ZNF626: variants seen among roughly 807,000 people sequenced by gnomAD.
The protein encoded by ZNF626 is CTC-513N18.7.
ZNF626 carries 4 observed loss-of-function variants against 11.7 expected under a neutral mutation model. The observed-to-expected ratio is 0.34, with a 90% CI of 0.17 to 0.78. The LOEUF is 0.78. ZNF626 is among the 30% of genes least tolerant of loss of function. The pLI, the probability that ZNF626 is intolerant of heterozygous loss-of-function variation, is 0.57. For missense variants in ZNF626, 588 were observed against 587.1 expected (o/e 1.00, Z -0.01); for synonymous variants, 179 against 198.6 (o/e 0.90, Z 0.83).
At chr19:20,630,747 T>G (rs1324615351) in intron 3 of ZNF626, among the ~76,000 whole-genome samples, 39 of 48,626 alleles carry the variant, frequency 8.0e-4, no homozygotes, top group African/African-American at 6.6e-3. Context: ...GATTCATTGA[T>G]TTTTTTGAAG....
At position 20,627,204 on chromosome 19, in the gene ZNF626, G is replaced by A. The variant is rs141973331; in HGVS notation, c.227-1554C>T. ...GGAAAAATGATGTAAACATGAAAAA[G>A]CTGAAGAAACAAACTAGGATACACA... On this transcript the variant is annotated intron_variant, in intron 3 of 3. Transcript: ENST00000601440. Among the ~76,000 whole-genome samples, 167 of 152,088 alleles carry A rather than the reference G, an allele frequency of 1.1e-3. 1 individual carries two copies. In the East Asian group the frequency reaches 0.03, roughly 28 times the overall value.
intron 3 of ZNF626, among the ~76,000 whole-genome samples, chr19:20,636,552 G>C (rs1428268390): frequency 1.3e-5 from 2 of 150,846 alleles, no homozygotes; most frequent in Non-Finnish European, 3.0e-5. Flanking sequence ...GAGGTTACTT[G>C]AAGATTTAAA....
intron 1 of ZNF626, among the ~76,000 whole-genome samples, chr19:20,650,353 A>T (rs947367216): frequency 2.6e-5 from 4 of 152,226 alleles, no homozygotes; most frequent in Non-Finnish European, 4.4e-5. Flanking sequence ...GTTTATATTT[A>T]CATTTTTGTG....
At chr19:20,638,425 C>CTAAATAAATAAATAAATAAATAAA (rs60283787) in intron 3 of ZNF626, among the ~76,000 whole-genome samples, 12 of 141,102 alleles carry the variant, frequency 8.5e-5, no homozygotes, top group South Asian at 2.3e-4. Context: ...AACTGCATGT[C>CTAAATAAATAAATAAATAAATAAA]TAAATAAATA....
chr19:20,626,376 T>C (rs1969832674), intron 3 of ZNF626, among the ~76,000 whole-genome samples: 1 of 152,186 alleles, frequency 6.6e-6, no homozygotes, highest in Non-Finnish European at 1.5e-5. Context: ...AGTTATAAAA[T>C]TTTTAAAGCA....
At position 20,624,303 on chromosome 19, in the gene ZNF626, A is replaced by G; in HGVS notation, c.1574T>C (p.Leu525Pro). Residue 525 changes from leucine (L) to proline (P), a missense_variant, in exon 4 of 4, where the codon CTA becomes CCA. Leu to Pro is a moderately conservative substitution (Grantham distance 98). Coordinates refer to ENST00000601440, the MANE Select transcript of ZNF626 (RefSeq NM_001076675.3). ...AKPSSGPHTLLHIR is the reference protein window; with the variant it reads ...AKPSSGPHTLPHIR ...CTCCAGTATGAATTATCTTATGTGT[A>G]GTAAGGTGTGAGGACCGCTTGAAGG... is the stretch of plus-strand genomic sequence containing the variant. The G allele has an allele frequency of 6.2e-7, 1 of 1,613,934 alleles. No homozygotes were observed. Among genetic ancestry groups the G allele is most frequent in the Non-Finnish European group, 8.5e-7 (1 of 1,179,972 alleles).
intron 1 of ZNF626, among the ~76,000 whole-genome samples, chr19:20,656,683 TAAA>T (rs143396017): frequency 7.0e-6 from 1 of 143,754 alleles, no homozygotes; most frequent in African/African-American, 2.5e-5. Flanking sequence ...CAAGCATTAT[TAAA>T]AAAAAAAAAA....
At chr19:20,651,250 C>T (rs1420273927) in intron 1 of ZNF626, among the ~76,000 whole-genome samples, 1 of 150,576 alleles carries the variant, frequency 6.6e-6, no homozygotes, top group Non-Finnish European at 1.5e-5. Context: ...CTTTCAAGTA[C>T]AGACATCAGA....
rs1555769115 is a variant in ZNF626, at chr19:20,624,205, A to T, written c.*85T>A. 2 of 1,606,264 alleles carry T rather than the reference A, an allele frequency of 1.2e-6. No individual in the cohort carries two copies. The highest frequency in any genetic ancestry group is 1.7e-6 in the Non-Finnish European group (2 of 1,174,570). Reference sequence around the variant, plus strand: ...TCTGTAGGGTTTTTTTCCAGTATGAATTTTCTTATGTGTAGTAAGGTTAGA... The same window carrying T: ...TCTGTAGGGTTTTTTTCCAGTATGATTTTTCTTATGTGTAGTAAGGTTAGA... On this transcript the variant is annotated 3_prime_UTR_variant, in exon 4 of 4. Transcript: ENST00000601440.
At chr19:20,660,976 C>T (rs1351408913) in intron 1 of ZNF626, among the ~76,000 whole-genome samples, 1 of 152,218 alleles carries the variant, frequency 6.6e-6, no homozygotes. Context: ...CTCTTTACCT[C>T]AAGTGATCCG....
chr19:20,655,793 G>A (rs1555773053), intron 1 of ZNF626, among the ~76,000 whole-genome samples: 1 of 151,976 alleles, frequency 6.6e-6, no homozygotes, highest in African/African-American at 2.4e-5. Flanking sequence ...AAATTAGCTG[G>A]GCATGGTGGC....
chr19:20,626,950 G>T (rs1005381523), intron 3 of ZNF626, among the ~76,000 whole-genome samples: 12 of 152,098 alleles, frequency 7.9e-5, no homozygotes, highest in African/African-American at 2.9e-4. Context: ...GGGAGGCAGA[G>T]GTAGCTATGA....
At chr19:20,645,537 A>G in intron 3 of ZNF626, 147 bp downstream of exon 3, 2 of 1,549,548 alleles carry the variant, frequency 1.3e-6, no homozygotes, top group Non-Finnish European at 1.7e-6. Context: ...AAAAAACCAA[A>G]CAAACAAACA....
chr19:20,637,658 A>G (rs1969981088), intron 3 of ZNF626, among the ~76,000 whole-genome samples: 2 of 152,058 alleles, frequency 1.3e-5, no homozygotes, highest in South Asian at 4.1e-4. Flanking sequence ...AGCTTTCAAG[A>G]TGATTACAAA....
At chr19:20,637,788 C>T (rs1384389559) in intron 3 of ZNF626, among the ~76,000 whole-genome samples, 2 of 151,874 alleles carry the variant, frequency 1.3e-5, no homozygotes, top group African/African-American at 2.4e-5. Flanking sequence ...TAGAAACACA[C>T]AAAACAATAA....
rs1371716550 is a variant in ZNF626, at chr19:20,621,598, C to T, written c.*2692G>A. 1 of 152,144 alleles carries T rather than the reference C, an allele frequency of 6.6e-6. No individual in the cohort carries two copies. The highest frequency in any genetic ancestry group is 2.4e-5 in the African/African-American group (1 of 41,434). The allele number at this position is 152,144 out of a possible 1,614,324, so 9.4% of individuals were successfully genotyped here. Reference sequence around the variant, plus strand: ...CTTATTTACCCTAATGTAATTACTACATATTGTATGCCTGAATCAAAATAT... The same window carrying T: ...CTTATTTACCCTAATGTAATTACTATATATTGTATGCCTGAATCAAAATAT... On this transcript the variant is annotated 3_prime_UTR_variant, in exon 4 of 4. Coordinates refer to ENST00000601440, the MANE Select transcript of ZNF626 (RefSeq NM_001076675.3).
In ZNF626 at chr19:20,621,635, C is replaced by T. The variant is rs777521284; in HGVS notation, c.*2655G>A. 1 of 151,944 alleles carries T rather than the reference C, an allele frequency of 6.6e-6. No individual in the cohort carries two copies. The highest frequency in any genetic ancestry group is 1.5e-5 in the Non-Finnish European group (1 of 67,992). The allele number at this position is 151,944 out of a possible 1,614,324, so 9.4% of individuals were successfully genotyped here. A position where few individuals can be genotyped will look rare whatever the true frequency, so the allele number is the denominator to read the frequency against. The stretch of plus-strand genomic sequence containing the variant: ...CTGAATCAAAATATTCTCTATAAGA[C>T]ATATATACACATACTATATACTCAC... On this transcript the variant is annotated 3_prime_UTR_variant, in exon 4 of 4. Transcript: ENST00000601440.
At position 20,625,330 on chromosome 19, in the gene ZNF626, TA is replaced by T; in HGVS notation, c.546del (p.Phe182LeufsTer96). ...TGTGTAGTAAGAGTTGAGAACTGCT[TA>T]AAAGCTTTGCCACATTCTATATATT... Reference protein sequence around the residue: ...PFKYIECGKAFKQFSTLTTHK... With the variant: ...PFKYIECGKAXKQFSTLTTHK... On this transcript the variant is annotated frameshift_variant, in exon 4 of 4. Transcript: ENST00000601440. LOFTEE classifies it low-confidence loss of function (END_TRUNC). 6.2e-7 allele frequency: 1 copy of T among 1,613,680 alleles called. No homozygotes were observed. Among genetic ancestry groups the T allele is most frequent in the Non-Finnish European group, 8.5e-7 (1 of 1,179,692 alleles).
chr19:20,620,315 A>T lies in ZNF626; in HGVS notation c.*3975T>A, dbSNP rs1969742705. 6.6e-6 allele frequency: 1 copy of T among 152,152 alleles called. No homozygotes were observed. Among genetic ancestry groups the T allele is most frequent in the African/African-American group, 2.4e-5 (1 of 41,428 alleles). 9.4% of individuals were successfully genotyped at this position (152,152 alleles called of 1,614,324 possible). A position where few individuals can be genotyped will look rare whatever the true frequency, so the allele number is the denominator to read the frequency against. ...TATTCAAGGTGTTTAGTTTTCCATTAATCACCTAAAAACTTATTTTGTTCC... is the reference window on the plus strand; with the variant it reads ...TATTCAAGGTGTTTAGTTTTCCATTTATCACCTAAAAACTTATTTTGTTCC... On this transcript the variant is annotated 3_prime_UTR_variant, in exon 4 of 4. Coordinates refer to ENST00000601440, the MANE Select transcript of ZNF626 (RefSeq NM_001076675.3).
Sources: allele counts gnomAD v4.1 joint callset (sites outside exome capture counted in the v4.1 genomes callset), GRCh38; gene constraint gnomAD v4.1.1; transcripts MANE v1.5; gene names NCBI Gene and HGNC (gene_info 2026-07-23, HGNC 2026-07-21).